The following SEH1L variants were observed in gnomAD, a reference collection of about 807,000 sequenced individuals.
SEH1L encodes the protein SEH1 like nucleoporin, also known as nucleoporin SEH1.
Under a neutral mutation model 49.5 loss-of-function variants are expected in SEH1L, and 18 were observed. That is an observed-to-expected ratio of 0.36 (90% CI 0.25 to 0.54). SEH1L has a LOEUF of 0.54. SEH1L is among the 20% of genes least tolerant of loss of function. SEH1L has a pLI of 0.87. For synonymous variants in SEH1L, 169 were observed against 178.1 expected, an observed-to-expected ratio of 0.95 and a Z score of 0.41; for missense variants, 404 against 528.8, an observed-to-expected ratio of 0.76 and a Z score of 2.31.
intron 4 of SEH1L, among the ~76,000 whole-genome samples, chr18:12,967,627 G>A (rs889433020): frequency 6.6e-6 from 1 of 152,094 alleles, no homozygotes; most frequent in East Asian, 1.9e-4. Flanking sequence ...GACCATGAAA[G>A]CCTGGGCCGG....
At chr18:12,949,921 T>C (rs1209210947) in intron 1 of SEH1L, among the ~76,000 whole-genome samples, 1 of 152,228 alleles carries the variant, frequency 6.6e-6, no homozygotes, top group Non-Finnish European at 1.5e-5. Context: ...ACCTCTATTC[T>C]ACTGCTTTCT....
intron 6 of SEH1L, among the ~76,000 whole-genome samples, chr18:12,980,047 T>C (rs1598976719): frequency 3.8e-5 from 3 of 78,216 alleles, no homozygotes; most frequent in Admixed American, 2.9e-4. Flanking sequence ...CCCCCCCACC[T>C]CCCTCCTGGA....
At chr18:12,949,783 G>C (rs1396463231) in intron 1 of SEH1L, among the ~76,000 whole-genome samples, 1 of 152,024 alleles carries the variant, frequency 6.6e-6, no homozygotes, top group Non-Finnish European at 1.5e-5. Flanking sequence ...GTAGAATTCA[G>C]TGGCATAGAG....
At chr18:12,978,991 A>G in intron 6 of SEH1L, 99 bp downstream of exon 6, 2 of 1,121,022 alleles carry the variant, frequency 1.8e-6, no homozygotes, top group Non-Finnish European at 2.5e-6. Flanking sequence ...TTTGGTTTAT[A>G]TTTCTGCTCT....
intron 3 of SEH1L, among the ~76,000 whole-genome samples, chr18:12,957,672 A>G (rs2030954003): frequency 6.6e-6 from 1 of 152,206 alleles, no homozygotes; most frequent in African/African-American, 2.4e-5. Flanking sequence ...ATAGATAATC[A>G]TGCACATGGT....
chr18:12,961,522 TATTA>T (rs1181170862), intron 3 of SEH1L, among the ~76,000 whole-genome samples: 2 of 152,236 alleles, frequency 1.3e-5, no homozygotes, highest in Non-Finnish European at 2.9e-5. Context: ...TTTGTGTTTG[TATTA>T]ATTATTCAGT....
rs199759823 is a variant in SEH1L at position 12,962,388 on chromosome 18, A to AT, written c.310-772_310-771insT. 8.3e-3 allele frequency among the ~76,000 whole-genome samples: 1,254 copies of AT among 150,452 alleles called. 19 individuals are homozygous for AT. The highest frequency in any genetic ancestry group is 0.034 in the East Asian group (175 of 5,132). On this transcript the variant is annotated intron_variant, in intron 3 of 8. Transcript: ENST00000399892. ...GACCCTGTCCCTAAGAAAAAAAAAA[A>AT]AATAATAATAATAGTGGTCCAAATG... is the stretch of plus-strand genomic sequence containing the variant.
chr18:12,951,780 T>G, intron 1 of SEH1L, 75 bp from the exon 2 acceptor site: 1 of 859,514 alleles, frequency 1.2e-6, no homozygotes, highest in Non-Finnish European at 1.9e-6. Flanking sequence ...CCTTGTACAC[T>G]GATTCAGTCT....
Position 12,978,847 on chromosome 18 carries a change from C to T in SEH1L, c.716C>T (p.Ala239Val). 1 of 1,613,946 alleles carries T rather than the reference C, an allele frequency of 6.2e-7. No homozygotes were observed. The highest frequency in any genetic ancestry group is 8.5e-7 in the Non-Finnish European group (1 of 1,179,912). ...TTGGGAAGATCTTTCCATATTCTAG[C>T]AATAGCGACCAAAGATGTGAGAATT... Reference protein sequence around the residue: ...PNLGRSFHILAIATKDVRIFT... With the variant: ...PNLGRSFHILVIATKDVRIFT... Residue 239 changes from alanine to valine, a missense_variant, in exon 6 of 9, where the codon GCA becomes GTA. By Grantham distance (64) the Ala-to-Val change is moderately conservative. This residue lies in a region of SEH1L where 342 missense variants were observed against 430.8 expected (regional missense o/e 0.79). Transcript: ENST00000399892.
At chr18:12,985,961 A>G (rs2032441696) in intron 8 of SEH1L, 3 of 896,916 alleles carry the variant, frequency 3.3e-6, no homozygotes, top group Non-Finnish European at 4.0e-6. Context: ...TTTTTAATTC[A>G]TAGTCACTAA....
At chr18:12,948,311 G>T in intron 1 of SEH1L, 79 bp downstream of exon 1, 1 of 1,057,996 alleles carries the variant, frequency 9.5e-7, no homozygotes. Context: ...GAACGGGGCT[G>T]TGTCTTGGTT....
intron 6 of SEH1L, among the ~76,000 whole-genome samples, chr18:12,979,811 G>T (rs1419584368): frequency 6.9e-6 from 1 of 144,388 alleles, no homozygotes; most frequent in African/African-American, 2.6e-5. Context: ...TCACTTCCCA[G>T]TAGGGGCGGC....
chr18:12,986,893 G>T lies in SEH1L; in HGVS notation c.1102G>T (p.Ala368Ser), dbSNP rs1197345107. 1.2e-6 allele frequency: 2 copies of T among 1,608,152 alleles called. No homozygotes were observed. The highest frequency in any genetic ancestry group is 1.7e-6 in the Non-Finnish European group (2 of 1,176,522). Residue 368 changes from alanine (A) to serine (S), a missense_variant, in exon 9 of 9, where the codon GCT becomes TCT. Ala to Ser is a moderately conservative substitution (Grantham distance 99). This residue lies in a region of SEH1L where 342 missense variants were observed against 430.8 expected (regional missense o/e 0.79). Coordinates refer to ENST00000399892, the MANE Select transcript of SEH1L (RefSeq NM_001013437.2). ...CTTTACCCCTCTGGATTCCCCACGG[G>T]CTGGATCGAGATGGTCCAGTTATGC... The part of the protein sequence containing the change: ...YFFTPLDSPR[A>S]GSRWSSYAQL...
intron 6 of SEH1L, among the ~76,000 whole-genome samples, chr18:12,980,411 G>C (rs2032162137): frequency 9.7e-6 from 1 of 103,434 alleles, no homozygotes. Context: ...CGGCTGGCCG[G>C]GCGGGGGGCT....
chr18:12,957,075 A>G (rs2145614272), intron 3 of SEH1L, among the ~76,000 whole-genome samples: 1 of 151,670 alleles, frequency 6.6e-6, no homozygotes, highest in African/African-American at 2.4e-5. Context: ...TCAAAAAAAA[A>G]AAAAATTCTA....
intron 8 of SEH1L, 167 bp from the exon 9 acceptor site, chr18:12,986,695 G>A (rs1373519176): frequency 1.6e-6 from 2 of 1,268,802 alleles, no homozygotes; most frequent in Admixed American, 3.9e-5. Context: ...GTGCTATTAT[G>A]TTCTGTTAGT....
At chr18:12,951,388 G>T (rs1391124193) in intron 1 of SEH1L, among the ~76,000 whole-genome samples, 1 of 152,066 alleles carries the variant, frequency 6.6e-6, no homozygotes, top group Non-Finnish European at 1.5e-5. Context: ...ACACATTCAA[G>T]GTTCTCAATG....
chr18:12,986,506 T>G, intron 8 of SEH1L: 1 of 984,964 alleles, frequency 1.0e-6, no homozygotes, highest in Non-Finnish European at 1.2e-6. Context: ...GATCTGTAAA[T>G]GTACAGAATA....
chr18:12,975,243 C>T (rs528276049), intron 5 of SEH1L, among the ~76,000 whole-genome samples: 113 of 152,142 alleles, frequency 7.4e-4, no homozygotes, highest in African/African-American at 2.5e-3. Flanking sequence ...CTGCCTGCTT[C>T]GGCCTCCCAA....
Sources: allele counts gnomAD v4.1 joint callset (sites outside exome capture counted in the v4.1 genomes callset), GRCh38; gene constraint gnomAD v4.1.1; regional missense constraint gnomAD v4.1.1; transcripts MANE v1.5; gene names NCBI Gene and HGNC (gene_info 2026-07-23, HGNC 2026-07-21).